Variants in CNTN5 observed in about 807,000 individuals in gnomAD.
The protein encoded by CNTN5 is contactin-5.
In CNTN5, 77 loss-of-function variants were observed where a neutral mutation model predicts 129.1. The ratio of observed to expected loss-of-function variants is 0.60; its 90% CI spans 0.50 to 0.72. The LOEUF is 0.72. Among genes scored for constraint, CNTN5 ranks in the 30% least tolerant of loss-of-function variants. The pLI, the probability that CNTN5 is intolerant of heterozygous loss-of-function variation, is 0.00. For synonymous variants in CNTN5, 509 were observed against 465.6 expected, an observed-to-expected ratio of 1.09 and a Z score of -1.20; for missense variants, 1,478 against 1,328.8, an observed-to-expected ratio of 1.11 and a Z score of -1.75.
chr11:99,647,731 AT>A (rs981156611), intron 3 of CNTN5, among the ~76,000 whole-genome samples: 52 of 145,532 alleles, frequency 3.6e-4, no homozygotes, highest in East Asian at 6.0e-4. Context: ...TTGTTATACT[AT>A]TTTTTTTTTG....
At chr11:99,367,354 A>T (rs1295463040) in intron 2 of CNTN5, among the ~76,000 whole-genome samples, 2 of 151,812 alleles carry the variant, frequency 1.3e-5, no homozygotes, top group African/African-American at 2.4e-5. Flanking sequence ...TTTTTTTTTT[A>T]AAGAAACATT....
chr11:100,146,069 G>C (rs1444007344), intron 13 of CNTN5, among the ~76,000 whole-genome samples: 1 of 152,146 alleles, frequency 6.6e-6, no homozygotes, highest in Non-Finnish European at 1.5e-5. Context: ...TAGCTTCTCT[G>C]TAAATGTAGT....
At chr11:99,598,264 CTTT>C in intron 3 of CNTN5, among the ~76,000 whole-genome samples, 2 of 1,440 alleles carry the variant, frequency 1.4e-3, no homozygotes, top group Non-Finnish European at 5.8e-3. Context: ...CTTTCCTTTT[CTTT>C]TCTTTTCTTT....
chr11:99,955,074 C>A, intron 7 of CNTN5, among the ~76,000 whole-genome samples: 1 of 151,646 alleles, frequency 6.6e-6, no homozygotes, highest in East Asian at 1.9e-4. Context: ...TTCTCTGTAA[C>A]TTTAATATAA....
chr11:100,039,526 A>T (rs1455509482), intron 9 of CNTN5, among the ~76,000 whole-genome samples: 1 of 152,088 alleles, frequency 6.6e-6, no homozygotes, highest in Admixed American at 6.6e-5. Context: ...GCCTTGCTAG[A>T]TTGGGGAAGT....
chr11:99,676,378 C>T (rs751032143), intron 3 of CNTN5, among the ~76,000 whole-genome samples: 4 of 152,154 alleles, frequency 2.6e-5, no homozygotes, highest in Non-Finnish European at 5.9e-5. Flanking sequence ...TCAGAAGCCA[C>T]CTGGTGATAA....
rs202030347 is a variant in CNTN5 at position 99,119,583 on chromosome 11, T to A, written c.-210+98313T>A. 1.2e-4 allele frequency among the ~76,000 whole-genome samples: 18 copies of A among 152,324 alleles called. 1 individual carries two copies. In the East Asian group the frequency reaches 3.5e-3, roughly 29 times the overall value. ...TCCATGTCTTTGCTATTGTATCTAG[T>A]GCTGCAATGAACATACGCATACATG... On this transcript the variant is annotated intron_variant, in intron 1 of 24. Coordinates refer to ENST00000524871, the MANE Select transcript of CNTN5 (RefSeq NM_014361.4).
chr11:99,296,065 G>A (rs1864375804), intron 1 of CNTN5, among the ~76,000 whole-genome samples: 1 of 152,030 alleles, frequency 6.6e-6, no homozygotes, highest in South Asian at 2.1e-4. Flanking sequence ...CACTTAATAG[G>A]CCCCCTTTTA....
At chr11:99,924,589 A>T (rs1016936639) in intron 7 of CNTN5, among the ~76,000 whole-genome samples, 2 of 151,990 alleles carry the variant, frequency 1.3e-5, no homozygotes, top group Non-Finnish European at 2.9e-5. Flanking sequence ...ATTCTGTTCC[A>T]TTGGTCTATG....
chr11:99,696,706 G>T (rs1954284266), intron 3 of CNTN5, among the ~76,000 whole-genome samples: 1 of 151,546 alleles, frequency 6.6e-6, no homozygotes, highest in Non-Finnish European at 1.5e-5. Flanking sequence ...ATGACAGAAA[G>T]AAAACAGTTC....
At chr11:99,609,909 G>A (rs778891584) in intron 3 of CNTN5, among the ~76,000 whole-genome samples, 4 of 152,108 alleles carry the variant, frequency 2.6e-5, no homozygotes, top group Non-Finnish European at 5.9e-5. Flanking sequence ...AGAGGTAATA[G>A]CAGTTAATGG....
chr11:100,044,540 T>C (rs113853438), intron 9 of CNTN5, among the ~76,000 whole-genome samples: 2,035 of 152,078 alleles, frequency 0.013, 59 homozygotes, highest in African/African-American at 0.047. Flanking sequence ...TAAGATAATA[T>C]ACAATTGTGG....
chr11:99,143,328 AAT>A (rs952609053), intron 1 of CNTN5, among the ~76,000 whole-genome samples: 32 of 136,856 alleles, frequency 2.3e-4, no homozygotes, highest in Admixed American at 1.5e-3. Context: ...TAAAATATGT[AAT>A]ATATATGTAT....
chr11:99,757,636 C>G (rs561200762), intron 3 of CNTN5, among the ~76,000 whole-genome samples: 50 of 152,056 alleles, frequency 3.3e-4, no homozygotes, highest in African/African-American at 1.1e-3. Flanking sequence ...CAAATAAGGT[C>G]GTACTCTAAG....
chr11:99,107,264 A>G (rs1465495251), intron 1 of CNTN5, among the ~76,000 whole-genome samples: 2 of 152,222 alleles, frequency 1.3e-5, no homozygotes, highest in Non-Finnish European at 2.9e-5. Context: ...GAACATACAT[A>G]CATACATACG....
intron 3 of CNTN5, among the ~76,000 whole-genome samples, chr11:99,582,460 C>A (rs11220538): frequency 0.032 from 4,905 of 152,296 alleles, 181 homozygotes; most frequent in African/African-American, 0.082. Context: ...CTTTCAGGTA[C>A]ACCAATTAGA....
At chr11:99,673,532 T>G (rs1451362595) in intron 3 of CNTN5, among the ~76,000 whole-genome samples, 1 of 152,122 alleles carries the variant, frequency 6.6e-6, no homozygotes, top group Admixed American at 6.6e-5. Context: ...GCACAGATTC[T>G]TTCATCACCC....
intron 3 of CNTN5, among the ~76,000 whole-genome samples, chr11:99,626,294 C>T (rs1382203633): frequency 1.3e-5 from 2 of 152,036 alleles, no homozygotes; most frequent in Non-Finnish European, 2.9e-5. Flanking sequence ...TGTTCAGTGC[C>T]TCCGACTTGG....
Position 99,310,142 on chromosome 11 carries a change from T to A in CNTN5, c.-209-15204T>A, listed in dbSNP as rs145191546. 5.3e-5 allele frequency among the ~76,000 whole-genome samples: 8 copies of A among 152,260 alleles called. No individual in the cohort carries two copies. The East Asian group carries it at 1.5e-3, about 29-fold the overall frequency. ...TATGTGCAATTTAGTGTATGCCAAT[T>A]TTGCCTCAAAAGTTGTGAATACGCA... On this transcript the variant is annotated intron_variant, in intron 1 of 24. Transcript: ENST00000524871.
Sources: allele counts gnomAD v4.1 joint callset (sites outside exome capture counted in the v4.1 genomes callset), GRCh38; gene constraint gnomAD v4.1.1; transcripts MANE v1.5; gene names NCBI Gene and HGNC (gene_info 2026-07-23, HGNC 2026-07-21).